KCNT2: variants seen among roughly 807,000 people sequenced by gnomAD.
KCNT2 encodes potassium channel subfamily T member 2.
KCNT2 carries 67 observed loss-of-function variants against 153.8 expected under a neutral mutation model. That is an observed-to-expected ratio of 0.44 (90% CI 0.36 to 0.53). KCNT2 has a LOEUF of 0.53. KCNT2 is among the 20% of genes least tolerant of loss of function. The pLI, the probability that KCNT2 is intolerant of heterozygous loss-of-function variation, is 0.00. For missense variants in KCNT2, 975 were observed against 1,354.8 expected (o/e 0.72, Z 4.40); for synonymous variants, 500 against 458.8 (o/e 1.09, Z -1.15).
At chr1:196,257,428 A>G (rs1487955245) in intron 26 of KCNT2, 2 of 969,298 alleles carry the variant, frequency 2.1e-6, no homozygotes, top group South Asian at 9.6e-5. Context: ...CTTGCATGAT[A>G]CTAACCCTAT....
At chr1:196,452,254 T>C (rs1473484661) in intron 8 of KCNT2, among the ~76,000 whole-genome samples, 4 of 152,140 alleles carry the variant, frequency 2.6e-5, no homozygotes, top group East Asian at 3.9e-4. Context: ...TACCACTTCA[T>C]TGCTATAAGC....
chr1:196,398,612 CA>C lies in KCNT2; in HGVS notation c.1244del (p.Leu415CysfsTer6). 1 of 1,608,882 alleles carries C rather than the reference CA, an allele frequency of 6.2e-7. No individual in the cohort carries two copies. The highest frequency in any genetic ancestry group is 8.5e-7 in the Non-Finnish European group (1 of 1,176,636). On this transcript the variant is annotated frameshift_variant, in exon 13 of 28. Coordinates refer to ENST00000294725, the MANE Select transcript of KCNT2 (RefSeq NM_198503.5). LOFTEE classifies it high-confidence loss of function. ...AVKDFAPNCP[L>X]YVQILKPENK... is the part of the protein sequence containing the mutation. ...TTTCAGGCTTTAATATCTGGACATA[CA>C]AAGGACAATTTGGAGCAAAATCTTT...
chr1:196,487,073 C>T (rs908577837), intron 3 of KCNT2, among the ~76,000 whole-genome samples: 1 of 151,926 alleles, frequency 6.6e-6, no homozygotes, highest in African/African-American at 2.4e-5. Flanking sequence ...CACCAGACAA[C>T]GTTAGCTGTC....
At chr1:196,464,890 G>A (rs1340351257) in intron 8 of KCNT2, among the ~76,000 whole-genome samples, 4 of 151,978 alleles carry the variant, frequency 2.6e-5, no homozygotes, top group Non-Finnish European at 5.9e-5. Flanking sequence ...AGAAAGCAGA[G>A]GCAGAAGCAG....
chr1:196,385,986 G>T, intron 13 of KCNT2, among the ~76,000 whole-genome samples: 1 of 151,946 alleles, frequency 6.6e-6, no homozygotes, highest in Non-Finnish European at 1.5e-5. Context: ...GATATCTAAG[G>T]CTATGCCGTA....
At chr1:196,519,966 C>T (rs113303808) in intron 1 of KCNT2, among the ~76,000 whole-genome samples, 8,780 of 151,868 alleles carry the variant, frequency 0.058, 394 homozygotes, top group Non-Finnish European at 0.085. Flanking sequence ...ATCATAGAAA[C>T]GATACTAAAA....
intron 14 of KCNT2, among the ~76,000 whole-genome samples, chr1:196,360,585 A>T (rs1329995374): frequency 6.6e-6 from 1 of 152,060 alleles, no homozygotes. Context: ...ATGTGATTAA[A>T]TTGAGACTGT....
intron 1 of KCNT2, among the ~76,000 whole-genome samples, chr1:196,529,583 A>T (rs966588211): frequency 2.0e-5 from 3 of 152,046 alleles, no homozygotes; most frequent in African/African-American, 7.2e-5. Flanking sequence ...TTGTGTTTTT[A>T]TCATTATTTT....
At chr1:196,542,649 A>C (rs1171384276) in intron 1 of KCNT2, among the ~76,000 whole-genome samples, 1 of 152,224 alleles carries the variant, frequency 6.6e-6, no homozygotes, top group African/African-American at 2.4e-5. Context: ...TGGATTGGGG[A>C]GCTTGGGAGG....
intron 1 of KCNT2, among the ~76,000 whole-genome samples, chr1:196,600,947 T>C (rs1035030404): frequency 1.3e-4 from 20 of 152,318 alleles, no homozygotes; most frequent in African/African-American, 3.8e-4. Flanking sequence ...GACTTTGTAC[T>C]GTGTATGAAA....
chr1:196,303,369 A>T (rs1398123598), intron 22 of KCNT2, among the ~76,000 whole-genome samples: 1 of 152,166 alleles, frequency 6.6e-6, no homozygotes, highest in South Asian at 2.1e-4. Flanking sequence ...TTGGATAAAG[A>T]GATATATGTA....
intron 13 of KCNT2, among the ~76,000 whole-genome samples, chr1:196,386,603 T>C (rs1478223901): frequency 6.6e-6 from 1 of 152,132 alleles, no homozygotes; most frequent in Non-Finnish European, 1.5e-5. Flanking sequence ...CAAATTGGCA[T>C]TGTGTATTAA....
In KCNT2 at chr1:196,282,490, T is replaced by G. The variant is rs562679746; in HGVS notation, c.2698-134A>C. The G allele has an allele frequency of 1.1e-5, 6 of 522,816 alleles. 1 individual carries two copies. Among genetic ancestry groups the G allele is most frequent in the Non-Finnish European group, 2.0e-5 (6 of 294,498 alleles). The allele number at this position is 522,816 out of a possible 1,614,324, so 32.4% of individuals were successfully genotyped here. A position where few individuals can be genotyped will look rare whatever the true frequency, so the allele number is the denominator to read the frequency against. On this transcript the variant is annotated intron_variant, in intron 23 of 27. Coordinates refer to ENST00000294725, the MANE Select transcript of KCNT2 (RefSeq NM_198503.5). ...CTCATATCACATTTTTAACCCTCCA[T>G]ACAAAAGTAAATTTAATCTATCTTG...
Position 196,580,834 on chromosome 1 carries a change from G to C in KCNT2, c.95+27381C>G, listed in dbSNP as rs188651551. ...TAAAAGCAGGGAAAAACACTCAAAA[G>C]GCTTCAAAGTGTTTCTTTCTGAAAA... On this transcript the variant is annotated intron_variant, in intron 1 of 27. Transcript: ENST00000294725. Among the ~76,000 whole-genome samples the C allele has an allele frequency of 6.3e-3, 961 of 152,208 alleles. 3 individuals are homozygous for C. The highest frequency in any genetic ancestry group is 0.01 in the Non-Finnish European group (681 of 68,000).
intron 14 of KCNT2, among the ~76,000 whole-genome samples, chr1:196,349,799 T>C (rs989953035): frequency 2.0e-5 from 3 of 152,110 alleles, no homozygotes; most frequent in Admixed American, 2.0e-4. Context: ...GCTGGTGTGC[T>C]GCACCCATTA....
intron 21 of KCNT2, among the ~76,000 whole-genome samples, chr1:196,306,295 A>G (rs922627811): frequency 2.0e-5 from 3 of 152,128 alleles, no homozygotes; most frequent in African/African-American, 4.8e-5. Flanking sequence ...ACTGACTGCA[A>G]ATATGCAGAA....
At chr1:196,253,588 T>G (rs1308044062) in intron 26 of KCNT2, among the ~76,000 whole-genome samples, 1 of 151,496 alleles carries the variant, frequency 6.6e-6, no homozygotes, top group Non-Finnish European at 1.5e-5. Flanking sequence ...TATAAAGGAG[T>G]TAATTCATCT....
chr1:196,569,940 T>C (rs1232946102), intron 1 of KCNT2, among the ~76,000 whole-genome samples: 1 of 151,800 alleles, frequency 6.6e-6, no homozygotes, highest in East Asian at 1.9e-4. Flanking sequence ...TGAAGAAAGG[T>C]GTAGAGATTG....
At chr1:196,361,088 T>G (rs1385966140) in intron 14 of KCNT2, among the ~76,000 whole-genome samples, 1 of 151,908 alleles carries the variant, frequency 6.6e-6, no homozygotes, top group African/African-American at 2.4e-5. Flanking sequence ...CAGGACATAG[T>G]TAGTTGAACA....
Sources: allele counts gnomAD v4.1 joint callset (sites outside exome capture counted in the v4.1 genomes callset), GRCh38; gene constraint gnomAD v4.1.1; transcripts MANE v1.5; gene names NCBI Gene and HGNC (gene_info 2026-07-23, HGNC 2026-07-21).